MAGI1: variants seen among roughly 807,000 people sequenced by gnomAD.
The protein encoded by MAGI1 is membrane-associated guanylate kinase, WW and PDZ domain-containing protein 1.
Under a neutral mutation model 139.9 loss-of-function variants are expected in MAGI1, and 58 were observed. The observed-to-expected ratio is 0.41, with a 90% CI of 0.34 to 0.52. The LOEUF (loss-of-function observed/expected upper bound fraction) is 0.52. Ranked by LOEUF, MAGI1 falls within the 20% of genes least tolerant of loss-of-function variation. The pLI is 0.12. For missense variants in MAGI1, 1,874 were observed against 1,901.6 expected (o/e 0.99, Z 0.27); for synonymous variants, 812 against 737.9 (o/e 1.10, Z -1.63).
chr3:65,797,312 G>A (rs1274156074), intron 1 of MAGI1, among the ~76,000 whole-genome samples: 5 of 152,106 alleles, frequency 3.3e-5, no homozygotes, highest in African/African-American at 1.2e-4. Context: ...AATAGGGGCA[G>A]GATACCTGTA....
At chr3:65,549,351 C>A in intron 2 of MAGI1, 1 of 856,244 alleles carries the variant, frequency 1.2e-6, no homozygotes, top group Non-Finnish European at 1.4e-6. Flanking sequence ...CCCTTCCTAA[C>A]CCCCTCCCCT....
chr3:65,982,218 G>GGTCTT (rs1336914010), intron 1 of MAGI1, among the ~76,000 whole-genome samples: 1 of 152,216 alleles, frequency 6.6e-6, no homozygotes, highest in Admixed American at 6.5e-5. Flanking sequence ...TTTGGGAAGA[G>GGTCTT]GTCTTGACTT....
chr3:65,858,930 G>A (rs940284894), intron 1 of MAGI1, among the ~76,000 whole-genome samples: 1 of 152,238 alleles, frequency 6.6e-6, no homozygotes, highest in African/African-American at 2.4e-5. Flanking sequence ...TCCACCATAA[G>A]TATAATTGGA....
At chr3:65,758,754 A>C (rs145830778) in intron 1 of MAGI1, among the ~76,000 whole-genome samples, 7 of 152,186 alleles carry the variant, frequency 4.6e-5, no homozygotes, top group African/African-American at 7.2e-5. Context: ...CAAGGTTGAG[A>C]AACTGTGAGA....
intron 1 of MAGI1, among the ~76,000 whole-genome samples, chr3:65,826,131 G>A (rs532064015): frequency 2.6e-5 from 4 of 152,050 alleles, no homozygotes; most frequent in South Asian, 4.2e-4. Flanking sequence ...TACATGCATG[G>A]AAAAAAATAC....
At position 65,854,852 on chromosome 3, in the gene MAGI1, GAGAAGTCCAC is replaced by G. The variant is rs1211104357; in HGVS notation, c.313+183134_313+183143del. On this transcript the variant is annotated intron_variant, in intron 1 of 22. Transcript: ENST00000402939. The stretch of plus-strand genomic sequence containing the variant: ...GAATACCTACAACCACAACCAAAGG[GAGAAGTCCAC>G]AGAAGTCCACAACCAAAGGGAGAAG... 4.6e-5 allele frequency among the ~76,000 whole-genome samples: 7 copies of G among 152,308 alleles called. No individual in the cohort carries two copies. The East Asian group carries it at 9.7e-4, about 21-fold the overall frequency.
At chr3:65,969,852 T>C (rs950920979) in intron 1 of MAGI1, among the ~76,000 whole-genome samples, 5 of 152,228 alleles carry the variant, frequency 3.3e-5, no homozygotes, top group East Asian at 1.9e-4. Context: ...TAAATTTAAA[T>C]AGACACATGT....
chr3:65,932,347 G>C (rs2062841927), intron 1 of MAGI1, among the ~76,000 whole-genome samples: 1 of 152,184 alleles, frequency 6.6e-6, no homozygotes, highest in Non-Finnish European at 1.5e-5. Context: ...AAGCGACAGA[G>C]TGAAACTCAG....
intron 2 of MAGI1, among the ~76,000 whole-genome samples, chr3:65,604,791 A>G (rs1524965): frequency 0.55 from 83,030 of 151,904 alleles, 23,131 homozygotes; most frequent in African/African-American, 0.65. Flanking sequence ...GGAAAATCAA[A>G]CAGCAAATGG....
chr3:65,727,041 C>T (rs888437529), intron 1 of MAGI1, among the ~76,000 whole-genome samples: 5 of 150,716 alleles, frequency 3.3e-5, no homozygotes, highest in Middle Eastern at 6.9e-3. Flanking sequence ...TGTAATTCCA[C>T]ACAATGTTAA....
At chr3:65,896,545 C>T (rs2060977612) in intron 1 of MAGI1, among the ~76,000 whole-genome samples, 1 of 152,128 alleles carries the variant, frequency 6.6e-6, no homozygotes, top group African/African-American at 2.4e-5. Context: ...CACGGTGGTT[C>T]ACACTTGTAG....
chr3:65,465,685 T>A (rs182989861), intron 5 of MAGI1, among the ~76,000 whole-genome samples: 7 of 152,336 alleles, frequency 4.6e-5, no homozygotes, highest in African/African-American at 1.7e-4. Flanking sequence ...TTTTCAAAAA[T>A]TTGACTATGA....
chr3:65,464,391 T>C (rs1277387283), intron 5 of MAGI1, among the ~76,000 whole-genome samples: 1 of 152,202 alleles, frequency 6.6e-6, no homozygotes, highest in Non-Finnish European at 1.5e-5. Flanking sequence ...AATTTACCTC[T>C]CATCACTGCC....
Position 65,891,046 on chromosome 3 carries a change from CTACAAAAAT to C in MAGI1, c.313+146941_313+146949del, listed in dbSNP as rs571482607. 1.6e-3 allele frequency among the ~76,000 whole-genome samples: 246 copies of C among 152,058 alleles called. 1 individual carries two copies. The highest frequency in any genetic ancestry group is 5.4e-3 in the African/African-American group (226 of 41,486). On this transcript the variant is annotated intron_variant, in intron 1 of 22. Transcript: ENST00000402939. ...TGGGCAACACGGCAAAACCCCATCT[CTACAAAAAT>C]TACAAAAATTAGCCAGGCACGGTGG...
chr3:65,698,445 T>G (rs1263778071), intron 1 of MAGI1, among the ~76,000 whole-genome samples: 1 of 149,832 alleles, frequency 6.7e-6, no homozygotes, highest in African/African-American at 2.5e-5. Context: ...AGAACAAAGC[T>G]GGAGGCATCA....
intron 18 of MAGI1, among the ~76,000 whole-genome samples, chr3:65,367,997 T>A (rs149905022): frequency 6.6e-6 from 1 of 152,222 alleles, no homozygotes; most frequent in African/African-American, 2.4e-5. Flanking sequence ...AGGATGTTTT[T>A]ATACTATCAA....
At chr3:65,736,334 G>T (rs2034726410) in intron 1 of MAGI1, among the ~76,000 whole-genome samples, 1 of 152,108 alleles carries the variant, frequency 6.6e-6, no homozygotes, top group Admixed American at 6.5e-5. Context: ...TTAAAAGAAT[G>T]CTATTTGTAT....
intron 3 of MAGI1, among the ~76,000 whole-genome samples, chr3:65,487,977 A>T (rs918996296): frequency 5.3e-5 from 8 of 152,180 alleles, no homozygotes; most frequent in Non-Finnish European, 8.8e-5. Flanking sequence ...TCTCAATCAC[A>T]AGAACCACTG....
rs946078780 is a variant in MAGI1, at chr3:65,427,064, A to G, written c.2167+2456T>C. Among the ~76,000 whole-genome samples the G allele has an allele frequency of 4.6e-5, 7 of 152,234 alleles. No individual in the cohort carries two copies. In the East Asian group the frequency reaches 1.3e-3, roughly 29 times the overall value. On this transcript the variant is annotated intron_variant, in intron 12 of 22. Transcript: ENST00000402939. ...TGTGGTGGCTCATGCCTGTAATCCT[A>G]GCACTTCGGGAGGCCGAGGCAGGTG...
Sources: gnomAD v4.1 joint callset for allele counts (sites outside exome capture counted in the v4.1 genomes callset) on GRCh38, gnomAD v4.1.1 for gene constraint, MANE v1.5 for transcripts, NCBI Gene and HGNC (gene_info 2026-07-23, HGNC 2026-07-21) for gene names.